WDR7: variants seen among roughly 807,000 people sequenced by gnomAD.
WDR7 encodes WD repeat domain 7.
A neutral mutation model predicts 169.4 loss-of-function variants in WDR7; 46 were observed. That is an observed-to-expected ratio of 0.27 (90% CI 0.21 to 0.35). WDR7 has a LOEUF of 0.35. WDR7 is among the 10% of genes least tolerant of loss of function. WDR7 has a pLI of 1.00. For missense variants in WDR7, 1,534 were observed against 1,859.3 expected (o/e 0.83, Z 3.22); for synonymous variants, 612 against 666.8 (o/e 0.92, Z 1.27).
At chr18:57,001,887 A>T (rs1599235800) in intron 26 of WDR7, among the ~76,000 whole-genome samples, 1 of 152,146 alleles carries the variant, frequency 6.6e-6, no homozygotes, top group Admixed American at 6.5e-5. Context: ...ACTAATATTA[A>T]ATTTCTGGAT....
intron 11 of WDR7, 97 bp downstream of exon 11, chr18:56,695,295 A>G: frequency 2.7e-6 from 4 of 1,466,830 alleles, no homozygotes; most frequent in Non-Finnish European, 3.7e-6. Flanking sequence ...AATACAGTGA[A>G]TCAGTGTAGT....
intron 20 of WDR7, among the ~76,000 whole-genome samples, chr18:56,871,941 C>T (rs546699834): frequency 2.2e-4 from 34 of 152,100 alleles, no homozygotes; most frequent in African/African-American, 7.5e-4. Flanking sequence ...TTATGACACT[C>T]ATTTCTAAAT....
At chr18:56,720,283 C>CA (rs199724416) in intron 13 of WDR7, among the ~76,000 whole-genome samples, 2,246 of 149,500 alleles carry the variant, frequency 0.015, 53 homozygotes, top group African/African-American at 0.052. Flanking sequence ...TCTGTCTCTA[C>CA]AAAAAAAAAT....
intron 21 of WDR7, among the ~76,000 whole-genome samples, chr18:56,911,576 A>G (rs1405873591): frequency 6.6e-6 from 1 of 152,214 alleles, no homozygotes; most frequent in African/African-American, 2.4e-5. Flanking sequence ...TGTACTGAGT[A>G]TTTAGTGTCC....
rs892287394 is a variant in WDR7, at chr18:56,755,889, TTTTC to T, written c.1990-688_1990-685del. The stretch of plus-strand genomic sequence containing the variant: ...TTTAGTTCTTTCTTTGTCTCTTTAT[TTTTC>T]TTTCTATCTCGGGAAAAAATAACAA... On this transcript the variant is annotated intron_variant, in intron 14 of 27. Coordinates refer to ENST00000254442, the MANE Select transcript of WDR7 (RefSeq NM_015285.3). 8.5e-5 allele frequency among the ~76,000 whole-genome samples: 13 copies of T among 152,330 alleles called. No homozygotes were observed. The South Asian group carries it at 1.2e-3, about 15-fold the overall frequency.
intron 7 of WDR7, among the ~76,000 whole-genome samples, chr18:56,689,289 G>A (rs573239888): frequency 1.0e-3 from 158 of 152,234 alleles, no homozygotes; most frequent in Middle Eastern, 3.4e-3. Context: ...TTGAGACAGA[G>A]TCTTGCTGTC....
At chr18:56,859,622 C>T (rs772138909) in intron 20 of WDR7, among the ~76,000 whole-genome samples, 11 of 152,138 alleles carry the variant, frequency 7.2e-5, no homozygotes, top group Non-Finnish European at 1.5e-4. Context: ...AGTATGCCTT[C>T]CCACCCATTT....
intron 26 of WDR7, among the ~76,000 whole-genome samples, chr18:56,998,239 T>C (rs538008634): frequency 2.2e-4 from 34 of 152,240 alleles, no homozygotes; most frequent in African/African-American, 7.5e-4. Context: ...CCATGAGAGA[T>C]TGGGTTTAAA....
At chr18:56,813,288 G>C (rs1410136982) in intron 19 of WDR7, among the ~76,000 whole-genome samples, 1 of 151,868 alleles carries the variant, frequency 6.6e-6, no homozygotes, top group African/African-American at 2.4e-5. Context: ...TGTGGCATTG[G>C]GTAGAACTTC....
chr18:56,907,451 C>T (rs376819949), intron 21 of WDR7, among the ~76,000 whole-genome samples: 1 of 152,278 alleles, frequency 6.6e-6, no homozygotes, highest in South Asian at 2.1e-4. Context: ...CGTGCCGTGA[C>T]GCTTGGCTCT....
At chr18:56,668,710 G>A (rs952623457) in intron 1 of WDR7, among the ~76,000 whole-genome samples, 3 of 152,098 alleles carry the variant, frequency 2.0e-5, no homozygotes, top group Non-Finnish European at 2.9e-5. Context: ...GAACTAAATT[G>A]TTATATTTGC....
chr18:56,879,977 T>C lies in WDR7; in HGVS notation c.3338T>C (p.Ile1113Thr). The C allele has an allele frequency of 6.2e-7, 1 of 1,613,950 alleles. No homozygotes were observed. The highest frequency in any genetic ancestry group is 8.5e-7 in the Non-Finnish European group (1 of 1,179,926). Residue 1113 changes from isoleucine to threonine, a missense_variant, in exon 21 of 28, where the codon ATT (isoleucine) becomes ACT (threonine). Ile to Thr is a moderately conservative substitution (Grantham distance 89, BLOSUM62 -1). Coordinates refer to ENST00000254442, the MANE Select transcript of WDR7 (RefSeq NM_015285.3). ...CLSSVPQMKK[I>T]STSYEERRKQ... ...TCAAGTGTCCCACAAATGAAAAAAA[T>C]TTCTACATCTTACGAGGAAAGACGG...
chr18:56,842,075 C>T (rs2045494990), intron 20 of WDR7, among the ~76,000 whole-genome samples: 1 of 152,192 alleles, frequency 6.6e-6, no homozygotes, highest in Non-Finnish European at 1.5e-5. Flanking sequence ...CTCACTGCTT[C>T]ATCTTCCCTG....
intron 25 of WDR7, among the ~76,000 whole-genome samples, chr18:56,951,512 G>A (rs2047182916): frequency 6.6e-6 from 1 of 151,952 alleles, no homozygotes; most frequent in Non-Finnish European, 1.5e-5. Context: ...TTTCTTCTCA[G>A]CAACCCTAAG....
intron 26 of WDR7, among the ~76,000 whole-genome samples, chr18:56,977,386 G>A (rs2047583489): frequency 6.6e-6 from 1 of 152,168 alleles, no homozygotes; most frequent in Non-Finnish European, 1.5e-5. Context: ...ATAAGCCTTG[G>A]AAGATTCGGC....
chr18:56,722,534 G>A (rs2026344635), intron 13 of WDR7, among the ~76,000 whole-genome samples: 1 of 152,136 alleles, frequency 6.6e-6, no homozygotes, highest in South Asian at 2.1e-4. Flanking sequence ...TAGGACAGGG[G>A]AAGACACAGA....
In WDR7 at chr18:56,776,821, A is replaced by G. The variant is rs181261121; in HGVS notation, c.2888A>G (p.His963Arg). 2 of 1,613,776 alleles carry G rather than the reference A, an allele frequency of 1.2e-6. No individual in the cohort carries two copies. The highest frequency in any genetic ancestry group is 2.2e-5 in the East Asian group (1 of 44,850). ...PVVSARSDAD[H>R]SGSDPPSAPA... The stretch of plus-strand genomic sequence containing the variant: ...GTTTCCGCTCGGTCTGATGCTGATC[A>G]CTCTGGCTCTGACCCTCCTTCTGCT... Residue 963 changes from histidine to arginine, a missense_variant, in exon 17 of 28, where the codon CAC becomes CGC. His to Arg is a conservative substitution (Grantham distance 29, BLOSUM62 0). Transcript: ENST00000254442.
chr18:56,906,808 C>T (rs561102492), intron 21 of WDR7, among the ~76,000 whole-genome samples: 1 of 152,300 alleles, frequency 6.6e-6, no homozygotes, highest in Non-Finnish European at 1.5e-5. Context: ...TCCCAAAGTG[C>T]TGGGATTACA....
chr18:56,818,254 T>C (rs2045019357), intron 20 of WDR7, among the ~76,000 whole-genome samples: 1 of 152,370 alleles, frequency 6.6e-6, no homozygotes, highest in South Asian at 2.1e-4. Context: ...AGCTGAATTT[T>C]TGAGCAGTCA....
Sources: allele counts gnomAD v4.1 joint callset (sites outside exome capture counted in the v4.1 genomes callset), GRCh38; gene constraint gnomAD v4.1.1; transcripts MANE v1.5; gene names NCBI Gene and HGNC (gene_info 2026-07-23, HGNC 2026-07-21).